The following FGF10 variants were observed in gnomAD, a reference collection of about 807,000 sequenced individuals.
FGF10 encodes fibroblast growth factor 10, also known as FGF-10.
A neutral mutation model predicts 19.8 loss-of-function variants in FGF10; 2 were observed. The ratio of observed to expected loss-of-function variants is 0.10; its 90% CI spans 0.04 to 0.32. FGF10 has a LOEUF of 0.32. Among genes scored for constraint, FGF10 ranks in the 10% least tolerant of loss-of-function variants. The pLI is 1.00. For synonymous variants in FGF10, 112 were observed against 94.0 expected (o/e 1.19, Z -1.10); for missense variants, 191 against 246.3 (o/e 0.78, Z 1.50).
At chr5:44,340,566 C>G (rs944618253) in intron 1 of FGF10, among the ~76,000 whole-genome samples, 1 of 151,934 alleles carries the variant, frequency 6.6e-6, no homozygotes, top group Non-Finnish European at 1.5e-5. Flanking sequence ...TGTCTTTTAT[C>G]AGTATAATTT....
At chr5:44,313,353 G>A (rs1740255043) in intron 1 of FGF10, among the ~76,000 whole-genome samples, 1 of 151,994 alleles carries the variant, frequency 6.6e-6, no homozygotes, top group African/African-American at 2.4e-5. Flanking sequence ...GTTCTTTGGT[G>A]AGGATGATCA....
intron 1 of FGF10, among the ~76,000 whole-genome samples, chr5:44,372,788 GAAGA>G (rs1333166172): frequency 6.6e-6 from 1 of 152,156 alleles, no homozygotes; most frequent in East Asian, 1.9e-4. Flanking sequence ...AAAATGTAAA[GAAGA>G]AAGAAGTCAC....
chr5:44,321,450 A>G (rs113375918), intron 1 of FGF10, among the ~76,000 whole-genome samples: 2,114 of 152,312 alleles, frequency 0.014, 53 homozygotes, highest in African/African-American at 0.047. Flanking sequence ...AGCTGCATAA[A>G]CATTCAAGTC....
intron 1 of FGF10, among the ~76,000 whole-genome samples, chr5:44,335,002 T>C (rs1212515898): frequency 6.6e-6 from 1 of 152,158 alleles, no homozygotes; most frequent in African/African-American, 2.4e-5. Flanking sequence ...TTTAAAAAGA[T>C]ATAATATTGT....
chr5:44,365,084 C>T (rs1741574551), intron 1 of FGF10, among the ~76,000 whole-genome samples: 1 of 151,766 alleles, frequency 6.6e-6, no homozygotes, highest in Admixed American at 6.6e-5. Flanking sequence ...AAAATGTCGG[C>T]ATGGTTGGGA....
chr5:44,338,687 T>C (rs1412089875), intron 1 of FGF10, among the ~76,000 whole-genome samples: 3 of 152,178 alleles, frequency 2.0e-5, no homozygotes, highest in Non-Finnish European at 4.4e-5. Context: ...CTCCCCAGAT[T>C]TGAATTACAA....
At position 44,386,608 on chromosome 5, in the gene FGF10, G is replaced by A. The variant is rs887345823; in HGVS notation, c.325+1750C>T. ...TATATACATAGGATCTAATGAATTC[G>A]GGTAACAAATGATTTTTAAGCAAAA... On this transcript the variant is annotated intron_variant, in intron 1 of 2. Coordinates refer to ENST00000264664, the MANE Select transcript of FGF10 (RefSeq NM_004465.2). 5.9e-5 allele frequency among the ~76,000 whole-genome samples: 9 copies of A among 152,062 alleles called. 1 individual carries two copies. The Middle Eastern group carries it at 0.01, about 172-fold the overall frequency.
At chr5:44,310,393 G>A (rs1250722082) in intron 2 of FGF10, 34 bp downstream of exon 2, 1 of 1,408,924 alleles carries the variant, frequency 7.1e-7, no homozygotes, top group Admixed American at 1.7e-5. Flanking sequence ...ATGGTTTACT[G>A]GAGTGGATTT....
intron 1 of FGF10, among the ~76,000 whole-genome samples, chr5:44,366,876 A>T (rs1741627016): frequency 6.6e-6 from 1 of 152,052 alleles, no homozygotes; most frequent in Admixed American, 6.6e-5. Context: ...ATAATATTTC[A>T]AGTTCTGAAC....
In FGF10 at chr5:44,302,143, A is replaced by AAAGGGACC. The variant is rs1316679130; in HGVS notation, c.*2844_*2851dup. Among the ~76,000 whole-genome samples, 4 of 151,942 alleles carry AAAGGGACC rather than the reference A, an allele frequency of 2.6e-5. No homozygotes were observed. Among genetic ancestry groups the AAAGGGACC allele is most frequent in the African/African-American group, 9.7e-5 (4 of 41,366 alleles). ...CTTTTTTTTTTCTTCAGTAGTTGCA[A>AAAGGGACC]AAGGGACCAGAATTCTATTTCCATT... On this transcript the variant is annotated 3_prime_UTR_variant, in exon 3 of 3. Transcript: ENST00000264664.
intron 1 of FGF10, among the ~76,000 whole-genome samples, chr5:44,311,944 A>G (rs927137661): frequency 1.3e-5 from 2 of 152,090 alleles, no homozygotes; most frequent in African/African-American, 4.8e-5. Context: ...ATGGAGGCCA[A>G]TAGAAATGCT....
intron 1 of FGF10, among the ~76,000 whole-genome samples, chr5:44,349,449 T>TATATATATATATATATATCAGA (rs1561210314): frequency 1.1e-3 from 18 of 15,784 alleles, no homozygotes; most frequent in Non-Finnish European, 2.4e-3. Context: ...TATATATATA[T>TATATATATATATATATATCAGA]ATATATATAT....
intron 1 of FGF10, among the ~76,000 whole-genome samples, chr5:44,386,885 CA>C (rs1314791897): frequency 6.6e-6 from 1 of 152,122 alleles, no homozygotes; most frequent in Non-Finnish European, 1.5e-5. Context: ...AATTTGTATT[CA>C]AAAATAAAAT....
chr5:44,345,592 GT>G (rs1243317875), intron 1 of FGF10, among the ~76,000 whole-genome samples: 2 of 141,454 alleles, frequency 1.4e-5, no homozygotes, highest in Non-Finnish European at 3.1e-5. Flanking sequence ...GAAATAGAAA[GT>G]TTTTCCCCAT....
At chr5:44,314,792 C>T (rs1740297996) in intron 1 of FGF10, among the ~76,000 whole-genome samples, 1 of 152,082 alleles carries the variant, frequency 6.6e-6, no homozygotes, top group African/African-American at 2.4e-5. Flanking sequence ...TCATGTTGGA[C>T]AAAGGCTTCT....
At chr5:44,372,254 C>T (rs1741758055) in intron 1 of FGF10, among the ~76,000 whole-genome samples, 1 of 152,126 alleles carries the variant, frequency 6.6e-6, no homozygotes, top group African/African-American at 2.4e-5. Context: ...GGCTCATGGC[C>T]TTACCACTAT....
intron 2 of FGF10, 151 bp from the exon 3 acceptor site, chr5:44,305,343 G>T: frequency 1.5e-6 from 1 of 687,636 alleles, no homozygotes; most frequent in Non-Finnish European, 2.6e-6. Context: ...GTCAACAATA[G>T]AAAAGTAAAT....
intron 1 of FGF10, among the ~76,000 whole-genome samples, chr5:44,321,065 T>C (rs770195611): frequency 6.6e-6 from 1 of 152,126 alleles, no homozygotes; most frequent in African/African-American, 2.4e-5. Context: ...CTTCATCAAA[T>C]GTGTCTAAAC....
At chr5:44,368,041 A>G (rs1054708914) in intron 1 of FGF10, among the ~76,000 whole-genome samples, 3 of 152,158 alleles carry the variant, frequency 2.0e-5, no homozygotes, top group Admixed American at 2.0e-4. Context: ...ATATGACTTT[A>G]ATAACAACCT....
Sources: allele counts gnomAD v4.1 joint callset (sites outside exome capture counted in the v4.1 genomes callset), GRCh38; gene constraint gnomAD v4.1.1; transcripts MANE v1.5; gene names NCBI Gene and HGNC (gene_info 2026-07-23, HGNC 2026-07-21).